The following MGAM variants were observed in gnomAD, a reference collection of about 807,000 sequenced individuals.
MGAM encodes the protein maltase-glucoamylase.
MGAM carries 253 observed loss-of-function variants against 358.8 expected under a neutral mutation model. The observed-to-expected ratio is 0.71, with a 90% CI of 0.64 to 0.78. The LOEUF is 0.78. Among genes scored for constraint, MGAM ranks in the 30% least tolerant of loss-of-function variants. The pLI, the probability that MGAM is intolerant of heterozygous loss-of-function variation, is 0.00. For missense variants in MGAM, 3,080 were observed against 3,432.6 expected (o/e 0.90, Z 2.57); for synonymous variants, 1,105 against 1,227.1 (o/e 0.90, Z 2.08).
chr7:142,099,846 C>T, intron 67 of MGAM, 109 bp downstream of exon 67: 1 of 1,445,618 alleles, frequency 6.9e-7, no homozygotes, highest in Non-Finnish European at 9.3e-7. Flanking sequence ...CAATTCTACT[C>T]AACACTTGTT....
intron 70 of MGAM, among the ~76,000 whole-genome samples, chr7:142,105,293 A>AT (rs34188746): frequency 0.22 from 32,693 of 147,916 alleles, 3,698 homozygotes; most frequent in South Asian, 0.31. Flanking sequence ...CATATTGAAC[A>AT]TTTTTTTTTT....
intron 43 of MGAM, among the ~76,000 whole-genome samples, chr7:142,069,818 T>C (rs1450820019): frequency 6.9e-6 from 1 of 145,264 alleles, no homozygotes; most frequent in African/African-American, 2.4e-5. Flanking sequence ...GTGTGCATGT[T>C]GAGTCTCCCA....
intron 21 of MGAM, among the ~76,000 whole-genome samples, chr7:142,042,610 A>T (rs1332936630): frequency 5.9e-5 from 1 of 17,048 alleles, no homozygotes; most frequent in Non-Finnish European, 1.2e-4. Context: ...ATAATATATA[A>T]TATATATTAT....
chr7:142,041,947 TAC>T (rs1491540870), intron 21 of MGAM, among the ~76,000 whole-genome samples: 806 of 16,966 alleles, frequency 0.048, 23 homozygotes, highest in Admixed American at 0.063. Flanking sequence ...ATTATATATA[TAC>T]ATATATATAA....
At chr7:142,015,381 A>G (rs568636120) in intron 3 of MGAM, among the ~76,000 whole-genome samples, 2 of 152,220 alleles carry the variant, frequency 1.3e-5, no homozygotes, top group African/African-American at 4.8e-5. Context: ...TAATAGAGTC[A>G]AGCCTATCAA....
At chr7:142,044,606 T>A (rs1809767232) in intron 21 of MGAM, among the ~76,000 whole-genome samples, 2 of 125,068 alleles carry the variant, frequency 1.6e-5, no homozygotes, top group Non-Finnish European at 3.2e-5. Context: ...ACACGTGTAA[T>A]ATATGATATA....
At chr7:142,045,459 A>T (rs1386805610) in intron 21 of MGAM, among the ~76,000 whole-genome samples, 1 of 111,462 alleles carries the variant, frequency 9.0e-6, no homozygotes, top group South Asian at 2.5e-4. Flanking sequence ...ATAATACATG[A>T]TATATTATAT....
chr7:142,060,659 G>C (rs1812078294), intron 34 of MGAM, among the ~76,000 whole-genome samples: 1 of 152,250 alleles, frequency 6.6e-6, no homozygotes, highest in South Asian at 2.1e-4. Flanking sequence ...CAATTCCAAG[G>C]CTGTCAGATT....
intron 7 of MGAM, among the ~76,000 whole-genome samples, chr7:142,022,692 A>G (rs781810728): frequency 6.6e-6 from 1 of 152,202 alleles, no homozygotes; most frequent in Non-Finnish European, 1.5e-5. Context: ...AGATACATGT[A>G]ATGTATCTAG....
chr7:142,095,739 G>A (rs1292520845), intron 64 of MGAM, 26 bp downstream of exon 64: 2 of 1,609,788 alleles, frequency 1.2e-6, no homozygotes, highest in South Asian at 1.1e-5. Context: ...GGATCCCAAT[G>A]CCTAATGGAT....
At chr7:142,074,555 A>T (rs1346777686) in intron 45 of MGAM, among the ~76,000 whole-genome samples, 2 of 143,738 alleles carry the variant, frequency 1.4e-5, no homozygotes, top group Non-Finnish European at 3.1e-5. Flanking sequence ...GGCAGTGAGA[A>T]TATACTGTTC....
intron 47 of MGAM, among the ~76,000 whole-genome samples, chr7:142,077,460 A>G (rs1164601781): frequency 6.9e-6 from 1 of 145,728 alleles, no homozygotes; most frequent in African/African-American, 2.4e-5. Context: ...ACGTGTGAGA[A>G]CTTTAACTTG....
At chr7:142,099,550 A>C (rs1336774038) in intron 66 of MGAM, 63 bp from the exon 67 acceptor site, 2 of 1,611,196 alleles carry the variant, frequency 1.2e-6, no homozygotes, top group Non-Finnish European at 1.7e-6. Context: ...GTCTGGCAGG[A>C]TGCATTGTTC....
At chr7:142,063,071 G>C (rs1812378548) in intron 35 of MGAM, among the ~76,000 whole-genome samples, 1 of 152,172 alleles carries the variant, frequency 6.6e-6, no homozygotes, top group Admixed American at 6.5e-5. Context: ...GGTGGCACAT[G>C]CCTATAATCC....
chr7:142,044,791 G>A (rs1809815083), intron 21 of MGAM, among the ~76,000 whole-genome samples: 1 of 80,068 alleles, frequency 1.2e-5, no homozygotes, highest in Non-Finnish European at 2.3e-5. Context: ...TGTAATATAT[G>A]ATATATAATG....
intron 7 of MGAM, 98 bp from the exon 8 acceptor site, chr7:142,024,952 T>C: frequency 1.3e-6 from 1 of 758,584 alleles, no homozygotes; most frequent in South Asian, 1.7e-5. Flanking sequence ...GTCCTGTCAA[T>C]TAGTTGCATG....
intron 44 of MGAM, among the ~76,000 whole-genome samples, chr7:142,073,254 T>C (rs1007824817): frequency 2.1e-5 from 3 of 146,334 alleles, no homozygotes; most frequent in African/African-American, 7.3e-5. Context: ...TTCCTAGAAA[T>C]GACTGCTACT....
chr7:142,049,665 GACAT>G (rs1454918668), intron 22 of MGAM, among the ~76,000 whole-genome samples: 1 of 152,124 alleles, frequency 6.6e-6, no homozygotes, highest in Non-Finnish European at 1.5e-5. Flanking sequence ...TTCCAAGGAA[GACAT>G]ACAAGTGGCT....
chr7:142,040,218 G>A (rs372484658), intron 20 of MGAM, 47 bp downstream of exon 20: 2 of 1,428,274 alleles, frequency 1.4e-6, no homozygotes, highest in Non-Finnish European at 2.0e-6. Context: ...TGTAGCTGCA[G>A]CTGCATAGAC....
Sources: allele counts gnomAD v4.1 joint callset (sites outside exome capture counted in the v4.1 genomes callset), GRCh38; gene constraint gnomAD v4.1.1; transcripts MANE v1.5; gene names NCBI Gene and HGNC (gene_info 2026-07-23, HGNC 2026-07-21).